Variants in DOCK3 observed in about 807,000 individuals in gnomAD.
DOCK3 encodes dedicator of cytokinesis protein 3.
In DOCK3, 60 loss-of-function variants were observed where a neutral mutation model predicts 265.6. The observed-to-expected ratio is 0.23, with a 90% CI of 0.18 to 0.28. DOCK3 has a LOEUF of 0.28. Ranked by LOEUF, DOCK3 falls within the 10% of genes least tolerant of loss-of-function variation. The probability of loss-of-function intolerance (pLI) is 1.00; values close to 1 mark genes in which losing one functional copy is unlikely to be tolerated. For synonymous variants in DOCK3, 881 were observed against 938.0 expected (o/e 0.94, Z 1.11); for missense variants, 1,981 against 2,594.3 (o/e 0.76, Z 5.14).
chr3:51,353,154 G>C (rs566198149), intron 40 of DOCK3, among the ~76,000 whole-genome samples: 6 of 152,214 alleles, frequency 3.9e-5, no homozygotes, highest in Non-Finnish European at 8.8e-5. Context: ...TTCTTCACAA[G>C]TACTTTCTTT....
intron 27 of DOCK3, among the ~76,000 whole-genome samples, chr3:51,303,762 A>G (rs1201962006): frequency 6.6e-6 from 1 of 152,182 alleles, no homozygotes; most frequent in Non-Finnish European, 1.5e-5. Context: ...AGGCTACAGA[A>G]CAGCAAAGAT....
chr3:50,747,279 G>T (rs1328961493), intron 1 of DOCK3, among the ~76,000 whole-genome samples: 1 of 152,050 alleles, frequency 6.6e-6, no homozygotes, highest in Non-Finnish European at 1.5e-5. Context: ...TCTTTTCAGA[G>T]TTGTCTTGGC....
At chr3:51,219,925 G>A (rs1293333212) in intron 14 of DOCK3, among the ~76,000 whole-genome samples, 1 of 152,174 alleles carries the variant, frequency 6.6e-6, no homozygotes, top group African/African-American at 2.4e-5. Context: ...ACTATCTATA[G>A]TGATGTCACA....
intron 5 of DOCK3, among the ~76,000 whole-genome samples, chr3:51,030,479 A>G (rs888763719): frequency 3.3e-5 from 5 of 151,904 alleles, no homozygotes; most frequent in African/African-American, 1.2e-4. Flanking sequence ...GGTATAGTCT[A>G]CCTCTGATTA....
intron 48 of DOCK3, 136 bp from the exon 49 acceptor site, chr3:51,362,391 G>T (rs2086801126): frequency 1.0e-5 from 12 of 1,183,820 alleles, no homozygotes; most frequent in Non-Finnish European, 1.4e-5. Flanking sequence ...CCATTAGCCT[G>T]GCCTCCATCA....
intron 3 of DOCK3, among the ~76,000 whole-genome samples, chr3:50,877,887 A>C (rs1211599313): frequency 6.6e-6 from 1 of 152,106 alleles, no homozygotes; most frequent in Non-Finnish European, 1.5e-5. Flanking sequence ...AGGCTGACTG[A>C]CACCAAATAC....
At chr3:51,347,433 A>G (rs567973607) in intron 38 of DOCK3, among the ~76,000 whole-genome samples, 25 of 152,296 alleles carry the variant, frequency 1.6e-4, no homozygotes, top group African/African-American at 5.8e-4. Context: ...AGGTTTGTCA[A>G]AGATCAGATG....
At chr3:50,711,862 A>C (rs1304555149) in intron 1 of DOCK3, among the ~76,000 whole-genome samples, 1 of 152,050 alleles carries the variant, frequency 6.6e-6, no homozygotes, top group Non-Finnish European at 1.5e-5. Flanking sequence ...TGATCTTTTT[A>C]CTTGTTACAG....
chr3:50,784,644 A>G (rs942040348), intron 2 of DOCK3, among the ~76,000 whole-genome samples: 2 of 152,214 alleles, frequency 1.3e-5, no homozygotes, highest in African/African-American at 4.8e-5. Context: ...ATTCATATGC[A>G]TGGGATGTGT....
At chr3:50,899,195 CTCT>C (rs1289395948) in intron 4 of DOCK3, among the ~76,000 whole-genome samples, 1 of 152,096 alleles carries the variant, frequency 6.6e-6, no homozygotes, top group Non-Finnish European at 1.5e-5. Context: ...GGATAGTTAG[CTCT>C]TCTTGTTGTA....
chr3:50,916,599 C>T (rs1035243495), intron 4 of DOCK3, among the ~76,000 whole-genome samples: 3 of 151,940 alleles, frequency 2.0e-5, no homozygotes, highest in African/African-American at 2.4e-5. Context: ...TGGTGGATCA[C>T]GAGGTCAGGA....
intron 9 of DOCK3, among the ~76,000 whole-genome samples, chr3:51,126,759 G>A (rs1003988268): frequency 3.3e-5 from 5 of 152,088 alleles, no homozygotes; most frequent in South Asian, 2.1e-4. Flanking sequence ...TCATAAGTAC[G>A]TGATTTCTTT....
At chr3:50,974,582 C>T (rs2077367549) in intron 5 of DOCK3, among the ~76,000 whole-genome samples, 1 of 150,488 alleles carries the variant, frequency 6.6e-6, no homozygotes, top group Non-Finnish European at 1.5e-5. Context: ...GTGATGTCTC[C>T]AGCTTTGTTC....
chr3:51,164,220 C>G lies in DOCK3; in HGVS notation c.1037+3518C>G, dbSNP rs77785782. On this transcript the variant is annotated intron_variant, in intron 12 of 52. Coordinates refer to ENST00000266037, the MANE Select transcript of DOCK3 (RefSeq NM_004947.5). ...GCTTTGCTCTTTTTTAAAAAAATGT[C>G]TTTTAACCAATTCTGCCAGATAACC... is the stretch of plus-strand genomic sequence containing the variant. Among the ~76,000 whole-genome samples the G allele has an allele frequency of 1.1e-3, 160 of 152,262 alleles. 1 individual carries two copies. Among genetic ancestry groups the G allele is most frequent in the East Asian group, 7.7e-3 (40 of 5,176 alleles).
intron 12 of DOCK3, among the ~76,000 whole-genome samples, chr3:51,203,345 G>A (rs1285097163): frequency 1.3e-5 from 2 of 152,160 alleles, no homozygotes; most frequent in African/African-American, 4.8e-5. Flanking sequence ...TCAATGTACA[G>A]AAATCACAAG....
chr3:51,038,975 G>A (rs550535593), intron 5 of DOCK3, among the ~76,000 whole-genome samples: 1 of 151,560 alleles, frequency 6.6e-6, no homozygotes, highest in African/African-American at 2.4e-5. Context: ...GAATAATGTT[G>A]TATACATATT....
intron 5 of DOCK3, among the ~76,000 whole-genome samples, chr3:50,975,622 G>T (rs1160786262): frequency 1.3e-5 from 2 of 152,118 alleles, no homozygotes; most frequent in Non-Finnish European, 2.9e-5. Context: ...TTGTGTCTCT[G>T]CCAGGCTTTA....
intron 46 of DOCK3, 131 bp downstream of exon 46, chr3:51,358,208 T>C (rs1188422440): frequency 1.2e-6 from 1 of 820,478 alleles, no homozygotes; most frequent in Admixed American, 2.4e-5. Context: ...AGAGAGGCTG[T>C]CCTCCCTACA....
chr3:51,262,271 A>G (rs2079896088), intron 23 of DOCK3, among the ~76,000 whole-genome samples: 1 of 152,198 alleles, frequency 6.6e-6, no homozygotes, highest in African/African-American at 2.4e-5. Flanking sequence ...ACCCAGGCAA[A>G]CAGGGTCTGA....
Sources: allele counts gnomAD v4.1 joint callset (sites outside exome capture counted in the v4.1 genomes callset), GRCh38; gene constraint gnomAD v4.1.1; transcripts MANE v1.5; gene names NCBI Gene and HGNC (gene_info 2026-07-23, HGNC 2026-07-21).